EYS: variants seen among roughly 807,000 people sequenced by gnomAD.
EYS encodes the protein protein eyes shut homolog.
Under a neutral mutation model 282.1 loss-of-function variants are expected in EYS, and 250 were observed. The ratio of observed to expected loss-of-function variants is 0.89; its 90% CI spans 0.80 to 0.98. EYS has a LOEUF of 0.98. Ranked by LOEUF, EYS falls within the 50% of genes least tolerant of loss-of-function variation. The probability of loss-of-function intolerance (pLI) is 0.00; values close to 1 mark genes in which losing one functional copy is unlikely to be tolerated. For missense variants in EYS, 4,016 were observed against 3,709.0 expected, an observed-to-expected ratio of 1.08 and a Z score of -2.15; for synonymous variants, 1,355 against 1,282.9, an observed-to-expected ratio of 1.06 and a Z score of -1.20.
intron 26 of EYS, among the ~76,000 whole-genome samples, chr6:64,543,421 A>T (rs1044565189): frequency 1.3e-5 from 2 of 152,044 alleles, no homozygotes; most frequent in African/African-American, 2.4e-5. Flanking sequence ...ATTTATAATG[A>T]TTTTATTTAT....
At chr6:64,363,500 T>A (rs1772086487) in intron 29 of EYS, among the ~76,000 whole-genome samples, 1 of 152,068 alleles carries the variant, frequency 6.6e-6, no homozygotes, top group South Asian at 2.1e-4. Flanking sequence ...AGACATATTA[T>A]TTAATATTTC....
intron 28 of EYS, among the ~76,000 whole-genome samples, chr6:64,424,826 C>T (rs1278929609): frequency 6.6e-6 from 1 of 152,094 alleles, no homozygotes; most frequent in East Asian, 1.9e-4. Flanking sequence ...TATAGAAAAT[C>T]AATGAGTAAA....
chr6:64,684,114 A>G (rs1304647042), intron 22 of EYS, among the ~76,000 whole-genome samples: 3 of 152,202 alleles, frequency 2.0e-5, no homozygotes, highest in Non-Finnish European at 4.4e-5. Context: ...TAAGAGATAA[A>G]GAAAATATCT....
chr6:65,265,413 GCTATT>G (rs1767727696), intron 12 of EYS, among the ~76,000 whole-genome samples: 1 of 151,950 alleles, frequency 6.6e-6, no homozygotes, highest in South Asian at 2.1e-4. Flanking sequence ...ACTATGGTTT[GCTATT>G]CTGTGACTTT....
intron 31 of EYS, among the ~76,000 whole-genome samples, chr6:64,187,011 TA>T (rs1418472884): frequency 6.6e-6 from 1 of 152,124 alleles, no homozygotes; most frequent in Non-Finnish European, 1.5e-5. Flanking sequence ...GACAAATGCA[TA>T]GTTTTTTTTC....
chr6:65,548,399 G>A (rs1483858661), intron 2 of EYS, among the ~76,000 whole-genome samples: 1 of 152,028 alleles, frequency 6.6e-6, no homozygotes, highest in Non-Finnish European at 1.5e-5. Context: ...TTAAAAAATT[G>A]CAACTTGTCA....
intron 29 of EYS, among the ~76,000 whole-genome samples, chr6:64,307,445 C>T (rs957885331): frequency 2.4e-4 from 37 of 152,030 alleles, no homozygotes; most frequent in African/African-American, 8.9e-4. Context: ...ATAAGTTAGA[C>T]ACAAACATAT....
intron 12 of EYS, among the ~76,000 whole-genome samples, chr6:65,141,381 T>C (rs1251572023): frequency 1.3e-5 from 2 of 151,878 alleles, no homozygotes; most frequent in Non-Finnish European, 2.9e-5. Context: ...TTAGGAGATA[T>C]ACCTAATGCT....
chr6:64,219,069 A>T lies in EYS; in HGVS notation c.6424+11523T>A, dbSNP rs144258797. 5.9e-3 allele frequency among the ~76,000 whole-genome samples: 900 copies of T among 152,252 alleles called. 1 individual carries two copies. The highest frequency in any genetic ancestry group is 0.021 in the African/African-American group (855 of 41,552). ...TGTTGTGGGGAATCACCAACAAACC[A>T]CTGATGCAGCCGCAATGACAGAATG... On this transcript the variant is annotated intron_variant, in intron 31 of 42. Transcript: ENST00000503581.
At chr6:64,557,763 G>A (rs371284481) in intron 26 of EYS, among the ~76,000 whole-genome samples, 23 of 152,056 alleles carry the variant, frequency 1.5e-4, no homozygotes, top group African/African-American at 5.5e-4. Flanking sequence ...ATGGCCTATG[G>A]GCTAAATCTA....
intron 28 of EYS, among the ~76,000 whole-genome samples, chr6:64,389,910 G>A (rs1261941946): frequency 6.6e-6 from 1 of 151,970 alleles, no homozygotes; most frequent in Non-Finnish European, 1.5e-5. Flanking sequence ...AGGTCAGTGG[G>A]TGTGCACACC....
At chr6:65,388,053 C>T (rs545617119) in intron 7 of EYS, among the ~76,000 whole-genome samples, 5 of 152,088 alleles carry the variant, frequency 3.3e-5, no homozygotes, top group African/African-American at 1.2e-4. Flanking sequence ...CTTGTGTGGG[C>T]ATAGACAAAT....
At chr6:64,492,473 TTG>T (rs1562023764) in intron 26 of EYS, among the ~76,000 whole-genome samples, 1 of 141,128 alleles carries the variant, frequency 7.1e-6, no homozygotes. Context: ...TGTTTTTTTG[TTG>T]TTGTTGTTGT....
intron 36 of EYS, among the ~76,000 whole-genome samples, chr6:63,852,836 A>C (rs960093184): frequency 6.6e-6 from 1 of 152,222 alleles, no homozygotes; most frequent in Non-Finnish European, 1.5e-5. Flanking sequence ...ACATATGCAA[A>C]TCAATAAATG....
chr6:63,829,326 T>C (rs1344214920), intron 36 of EYS, among the ~76,000 whole-genome samples: 1 of 152,112 alleles, frequency 6.6e-6, no homozygotes, highest in African/African-American at 2.4e-5. Context: ...AGGGAAGCCA[T>C]GACAGATGGT....
At chr6:63,936,324 T>C (rs1251019533) in intron 35 of EYS, among the ~76,000 whole-genome samples, 1 of 152,232 alleles carries the variant, frequency 6.6e-6, no homozygotes, top group African/African-American at 2.4e-5. Context: ...CAGAATTCCA[T>C]ATTCTATTCT....
intron 7 of EYS, among the ~76,000 whole-genome samples, chr6:65,399,794 T>C (rs1377287832): frequency 3.3e-5 from 5 of 152,046 alleles, no homozygotes; most frequent in African/African-American, 9.7e-5. Flanking sequence ...AAACTGTCTA[T>C]AGGTAGTTCT....
intron 1 of EYS, among the ~76,000 whole-genome samples, chr6:65,693,072 C>T (rs1488813837): frequency 6.7e-6 from 1 of 149,990 alleles, no homozygotes; most frequent in Non-Finnish European, 1.5e-5. Context: ...AGTAGCACTA[C>T]ACAAGAAAAT....
At chr6:64,935,195 C>A (rs541172084) in intron 15 of EYS, among the ~76,000 whole-genome samples, 5 of 151,712 alleles carry the variant, frequency 3.3e-5, no homozygotes, top group East Asian at 3.9e-4. Context: ...AAAAAAATAT[C>A]TATTTAACAC....
Sources: allele counts gnomAD v4.1 joint callset (sites outside exome capture counted in the v4.1 genomes callset), GRCh38; gene constraint gnomAD v4.1.1; transcripts MANE v1.5; gene names NCBI Gene and HGNC (gene_info 2026-07-23, HGNC 2026-07-21).